MAGED1: variants seen among roughly 807,000 people sequenced by gnomAD.
MAGED1 encodes the protein MAGE family member D1, also known as melanoma-associated antigen D1.
MAGED1 carries 3 observed loss-of-function variants against 54.1 expected under a neutral mutation model. The ratio of observed to expected loss-of-function variants is 0.06; its 90% CI spans 0.03 to 0.14. MAGED1 has a LOEUF of 0.14. MAGED1 is among the 10% of genes least tolerant of loss of function. The pLI, the probability that MAGED1 is intolerant of heterozygous loss-of-function variation, is 1.00. For missense variants in MAGED1, 485 were observed against 623.4 expected (o/e 0.78, Z 2.36); for synonymous variants, 217 against 227.3 (o/e 0.95, Z 0.41).
chrX:51,815,895 A>G (rs1254644816), intron 1 of MAGED1, among the ~76,000 whole-genome samples: 4 of 112,007 alleles, frequency 3.6e-5, no homozygotes, highest in African/African-American at 1.3e-4. Flanking sequence ...AAAAGTTTAT[A>G]AGTAAAAAGT....
intron 1 of MAGED1, among the ~76,000 whole-genome samples, chrX:51,815,908 T>C (rs1197064358): frequency 1.8e-5 from 2 of 111,929 alleles, no homozygotes; most frequent in African/African-American, 6.5e-5. Context: ...TAAAAAGTTA[T>C]AGAAAGCTAA....
intron 2 of MAGED1, chrX:51,894,837 C>T (rs1557363967): frequency 2.7e-6 from 3 of 1,125,073 alleles, no homozygotes; most frequent in Non-Finnish European, 3.5e-6. Flanking sequence ...CCTCATTTTG[C>T]CCTTGCCCTA....
At chrX:51,842,288 G>A (rs1557358711) in intron 1 of MAGED1, among the ~76,000 whole-genome samples, 1 of 112,046 alleles carries the variant, frequency 8.9e-6, no homozygotes, top group Non-Finnish European at 1.9e-5. Flanking sequence ...TGTTGGTGAG[G>A]TAGTCAGTTT....
intron 1 of MAGED1, among the ~76,000 whole-genome samples, chrX:51,836,397 G>T (rs1688416801): frequency 9.0e-6 from 1 of 110,817 alleles, no homozygotes; most frequent in African/African-American, 3.3e-5. Context: ...TTTTAAGATT[G>T]ATTAGGTGGA....
At chrX:51,866,755 A>G (rs184342831) in intron 1 of MAGED1, among the ~76,000 whole-genome samples, 61 of 112,091 alleles carry the variant, frequency 5.4e-4, no homozygotes, top group Admixed American at 1.1e-3. Context: ...GTACCATGGT[A>G]ACTCTACCCA....
At chrX:51,864,353 T>C (rs1160567072) in intron 1 of MAGED1, among the ~76,000 whole-genome samples, 1 of 112,033 alleles carries the variant, frequency 8.9e-6, no homozygotes, top group Non-Finnish European at 1.9e-5. Context: ...TATGCATGGA[T>C]TTGTTTCTGG....
Position 51,808,058 on chromosome X carries a change from G to T in MAGED1, c.-37+4941G>T, listed in dbSNP as rs559861900. Reference sequence around the variant, plus strand: ...CTCCTAATATTAGCATTACTTTGTAGTAATTAATTACCATTATCTCACTAA... The same window carrying T: ...CTCCTAATATTAGCATTACTTTGTATTAATTAATTACCATTATCTCACTAA... On this transcript the variant is annotated intron_variant, in intron 1 of 12. Transcript: ENST00000375772. Among the ~76,000 whole-genome samples, 75 of 112,000 alleles carry T rather than the reference G, an allele frequency of 6.7e-4. 1 individual carries two copies. The highest frequency in any genetic ancestry group is 1.2e-3 in the Admixed American group (13 of 10,564).
chrX:51,887,538 G>A (rs1282326433), intron 1 of MAGED1, among the ~76,000 whole-genome samples: 1 of 111,025 alleles, frequency 9.0e-6, no homozygotes, highest in African/African-American at 3.3e-5. Context: ...TCACAAATAT[G>A]CCAGCTGATT....
intron 1 of MAGED1, among the ~76,000 whole-genome samples, chrX:51,834,656 C>A (rs1261571963): frequency 9.0e-6 from 1 of 111,413 alleles, no homozygotes; most frequent in African/African-American, 3.3e-5. Flanking sequence ...GTAGAAGTTA[C>A]ATTTATATTC....
At chrX:51,836,199 ATTT>A (rs200574737) in intron 1 of MAGED1, among the ~76,000 whole-genome samples, 3 of 98,349 alleles carry the variant, frequency 3.1e-5, no homozygotes, top group African/African-American at 1.1e-4. Flanking sequence ...CAATTTATTG[ATTT>A]TTTTTTTTTT....
intron 1 of MAGED1, among the ~76,000 whole-genome samples, chrX:51,815,470 CAAAT>C (rs1925382979): frequency 9.1e-6 from 1 of 109,568 alleles, no homozygotes; most frequent in Non-Finnish European, 1.9e-5. Flanking sequence ...AAATTTTAAA[CAAAT>C]AAGCTTATAG....
At chrX:51,831,206 C>T (rs895666848) in intron 1 of MAGED1, among the ~76,000 whole-genome samples, 13 of 112,454 alleles carry the variant, frequency 1.2e-4, no homozygotes, top group African/African-American at 1.6e-4. Context: ...CTGTTATTCC[C>T]AATCTTGACT....
chrX:51,812,597 T>C (rs1557355624), intron 1 of MAGED1, among the ~76,000 whole-genome samples: 1 of 112,138 alleles, frequency 8.9e-6, no homozygotes, highest in African/African-American at 3.2e-5. Flanking sequence ...TTTCCATTCC[T>C]TTTCATGGCT....
At chrX:51,852,220 C>T (rs1314986949) in intron 1 of MAGED1, among the ~76,000 whole-genome samples, 2 of 111,846 alleles carry the variant, frequency 1.8e-5, no homozygotes, top group African/African-American at 6.5e-5. Context: ...TGCCATCTCT[C>T]CTCTGACTCT....
chrX:51,811,260 C>T (rs1368861017), intron 1 of MAGED1, among the ~76,000 whole-genome samples: 2 of 111,736 alleles, frequency 1.8e-5, no homozygotes, highest in Non-Finnish European at 3.8e-5. Context: ...TGTGTCAACC[C>T]GTTTAATACC....
intron 1 of MAGED1, among the ~76,000 whole-genome samples, chrX:51,830,463 T>C (rs1432549277): frequency 1.8e-5 from 2 of 110,288 alleles, no homozygotes; most frequent in Non-Finnish European, 3.8e-5. Context: ...AATTGTTAAT[T>C]CTGGGTGGAT....
intron 1 of MAGED1, among the ~76,000 whole-genome samples, chrX:51,837,797 T>C (rs1926306076): frequency 8.9e-6 from 1 of 112,392 alleles, no homozygotes; most frequent in Non-Finnish European, 1.9e-5. Context: ...GAAGCTGAGA[T>C]TCGAGTCTAA....
At chrX:51,833,853 A>G (rs1388067379) in intron 1 of MAGED1, among the ~76,000 whole-genome samples, 2 of 111,831 alleles carry the variant, frequency 1.8e-5, no homozygotes, top group African/African-American at 6.5e-5. Flanking sequence ...GAAAATCGCA[A>G]TGCAATTGAA....
chrX:51,876,878 T>G (rs1006404103), intron 1 of MAGED1, among the ~76,000 whole-genome samples: 1 of 111,634 alleles, frequency 9.0e-6, no homozygotes, highest in African/African-American at 3.2e-5. Flanking sequence ...CTTTTCTCAT[T>G]TAATATTACA....
Sources: gnomAD v4.1 joint callset for allele counts (sites outside exome capture counted in the v4.1 genomes callset) on GRCh38, gnomAD v4.1.1 for gene constraint, MANE v1.5 for transcripts, NCBI Gene and HGNC (gene_info 2026-07-23, HGNC 2026-07-21) for gene names.